TAAR5: variants seen among roughly 807,000 people sequenced by gnomAD.
TAAR5 encodes the protein trace amine-associated receptor 5.
A neutral mutation model predicts 21.1 loss-of-function variants in TAAR5; 27 were observed. The ratio of observed to expected loss-of-function variants is 1.28; its 90% CI spans 0.94 to 1.76. TAAR5 has a LOEUF of 1.76. Ranked by LOEUF, TAAR5 falls within the 40% of genes most tolerant of loss-of-function variation. The pLI is 0.00. For missense variants in TAAR5, 495 were observed against 405.6 expected, an observed-to-expected ratio of 1.22 and a Z score of -1.89; for synonymous variants, 203 against 167.5, an observed-to-expected ratio of 1.21 and a Z score of -1.64.
chr6:132,599,482 C>A, the TAAR5 span, among the ~76,000 whole-genome samples: 40 of 151,898 alleles, frequency 2.6e-4, no homozygotes, highest in African/African-American at 9.4e-4. Context: ...GCACCTGACA[C>A]CATGCCTGGC....
chr6:132,595,372 G>A, the TAAR5 span: 1 of 152,412 alleles, frequency 6.6e-6, no homozygotes, highest in Non-Finnish European at 1.5e-5. Context: ...TCTAGGGCAT[G>A]AATTGTTAAC....
chr6:132,596,272 A>C, the TAAR5 span, among the ~76,000 whole-genome samples: 1 of 152,210 alleles, frequency 6.6e-6, no homozygotes, highest in African/African-American at 2.4e-5. Flanking sequence ...ATTTTGTATA[A>C]TTAATGCCAT....
At chr6:132,600,699 A>C in the TAAR5 span, among the ~76,000 whole-genome samples, 3 of 152,042 alleles carry the variant, frequency 2.0e-5, no homozygotes, top group African/African-American at 7.2e-5. Flanking sequence ...CAAAGAAGAA[A>C]AAAACTAATA....
the TAAR5 span, among the ~76,000 whole-genome samples, chr6:132,602,859 G>A: frequency 7.0e-6 from 1 of 142,692 alleles, no homozygotes; most frequent in Non-Finnish European, 1.5e-5. Flanking sequence ...AAAAAAAAAT[G>A]TTTTGTTTTA....
upstream of TAAR5, chr6:132,594,417 G>T (rs1010927976): frequency 4.6e-5 from 7 of 152,120 alleles, no homozygotes; most frequent in African/African-American, 1.7e-4. Flanking sequence ...AACAGGCTTA[G>T]GGTGGAAGAG....
At chr6:132,593,037 C>T (rs145344692), upstream of TAAR5, among the ~76,000 whole-genome samples, 1 of 152,334 alleles carries the variant, frequency 6.6e-6, no homozygotes, top group East Asian at 1.9e-4. Context: ...CTTGCTCAAA[C>T]TTGCTTCCTC....
chr6:132,606,983 C>T, the TAAR5 span, among the ~76,000 whole-genome samples: 5 of 152,042 alleles, frequency 3.3e-5, no homozygotes, highest in East Asian at 9.6e-4. Context: ...ATTGCTTGAG[C>T]CTATGAGTTC....
At chr6:132,606,445 G>A in the TAAR5 span, among the ~76,000 whole-genome samples, 1 of 152,144 alleles carries the variant, frequency 6.6e-6, no homozygotes, top group African/African-American at 2.4e-5. Context: ...GCATGAGTGG[G>A]TGATGTCTAC....
the TAAR5 span, among the ~76,000 whole-genome samples, chr6:132,614,584 T>G: frequency 6.6e-6 from 1 of 152,316 alleles, no homozygotes; most frequent in African/African-American, 2.4e-5. Context: ...ACCTTCCCTT[T>G]CCTGAAAAGT....
chr6:132,601,142 A>AGGGAAAGAAAGG, the TAAR5 span, among the ~76,000 whole-genome samples: 1 of 150,406 alleles, frequency 6.6e-6, no homozygotes, highest in African/African-American at 2.4e-5. Flanking sequence ...AGAAGGAAGG[A>AGGGAAAGAAAGG]AGGAGGGAAG....
At chr6:132,596,036 T>A in the TAAR5 span, among the ~76,000 whole-genome samples, 71,854 of 151,962 alleles carry the variant, frequency 0.47, 17,484 homozygotes, top group African/African-American at 0.58. Context: ...TTGAGCTATA[T>A]TATGGCAAAT....
the TAAR5 span, among the ~76,000 whole-genome samples, chr6:132,598,872 G>A: frequency 6.6e-6 from 1 of 152,164 alleles, no homozygotes; most frequent in African/African-American, 2.4e-5. Context: ...AGGAAGAGAA[G>A]AAGGATGGGA....
the TAAR5 span, among the ~76,000 whole-genome samples, chr6:132,601,460 C>A: frequency 5.3e-5 from 8 of 152,290 alleles, no homozygotes; most frequent in Admixed American, 3.3e-4. Flanking sequence ...CCTTGGTGGG[C>A]AGCAAGAAAT....
chr6:132,593,505 C>T (rs1440263703), upstream of TAAR5, among the ~76,000 whole-genome samples: 2 of 152,096 alleles, frequency 1.3e-5, no homozygotes, highest in African/African-American at 4.8e-5. Context: ...TTAGATGAGT[C>T]CTGGGAAGAG....
the TAAR5 span, among the ~76,000 whole-genome samples, chr6:132,615,256 T>A: frequency 6.6e-6 from 1 of 152,168 alleles, no homozygotes; most frequent in Non-Finnish European, 1.5e-5. Context: ...TTTCCGTATA[T>A]TGAAAATACA....
chr6:132,615,332 A>C, the TAAR5 span, among the ~76,000 whole-genome samples: 11 of 152,148 alleles, frequency 7.2e-5, no homozygotes, highest in African/African-American at 2.7e-4. Context: ...TGAATCATAA[A>C]ATGTTTCTGT....
At chr6:132,598,671 C>A in the TAAR5 span, among the ~76,000 whole-genome samples, 26 of 152,142 alleles carry the variant, frequency 1.7e-4, no homozygotes, top group Non-Finnish European at 3.7e-4. Context: ...TGCTTTTGAC[C>A]CGTGTGTCTT....
At chr6:132,594,840 C>G in the TAAR5 span, 1 of 152,282 alleles carries the variant, frequency 6.6e-6, no homozygotes, top group East Asian at 1.9e-4. Flanking sequence ...CAGTACCCCC[C>G]CAGAGCTTAT....
In TAAR5 at chr6:132,588,670, G is replaced by A; in HGVS notation, c.*3C>T. The A allele has an allele frequency of 1.2e-6, 2 of 1,605,332 alleles. No homozygotes were observed. Among genetic ancestry groups the A allele is most frequent in the Non-Finnish European group, 1.7e-6 (2 of 1,174,604 alleles). Reference sequence around the variant, plus strand: ...ACTCCTTGCCTGCATTTAGTAGAAGGAATCATTCTTGGTACAAATCAACAG... The same window carrying A: ...ACTCCTTGCCTGCATTTAGTAGAAGAAATCATTCTTGGTACAAATCAACAG... On this transcript the variant is annotated 3_prime_UTR_variant, in exon 1 of 1. Transcript: ENST00000258034.
Sources: allele counts gnomAD v4.1 joint callset (sites outside exome capture counted in the v4.1 genomes callset), GRCh38; gene constraint gnomAD v4.1.1; transcripts MANE v1.5; gene names NCBI Gene and HGNC (gene_info 2026-07-23, HGNC 2026-07-21).